Variants in DOCK8 observed in about 807,000 individuals in gnomAD.
DOCK8 encodes the protein dedicator of cytokinesis 8.
A neutral mutation model predicts 245.6 loss-of-function variants in DOCK8; 141 were observed. The ratio of observed to expected loss-of-function variants is 0.57; its 90% CI spans 0.50 to 0.66. DOCK8 has a LOEUF of 0.66. Among genes scored for constraint, DOCK8 ranks in the 30% least tolerant of loss-of-function variants. The probability of loss-of-function intolerance (pLI) is 0.00; values close to 1 mark genes in which losing one functional copy is unlikely to be tolerated. For synonymous variants in DOCK8, 1,168 were observed against 970.2 expected (o/e 1.20, Z -3.79); for missense variants, 2,965 against 2,603.4 (o/e 1.14, Z -3.02).
chr9:443,670 C>G (rs1469141921), intron 43 of DOCK8, among the ~76,000 whole-genome samples, 154 bp downstream of exon 43: 2 of 152,180 alleles, frequency 1.3e-5, no homozygotes, highest in African/African-American at 4.8e-5. Flanking sequence ...TTGGTCAGAT[C>G]TTAAAGAAAA....
At chr9:388,685 G>A (rs2054059479) in intron 23 of DOCK8, among the ~76,000 whole-genome samples, 1 of 152,018 alleles carries the variant, frequency 6.6e-6, no homozygotes, top group Admixed American at 6.6e-5. Flanking sequence ...CTCCAGAGTA[G>A]CTGGGATTAC....
intron 1 of DOCK8, among the ~76,000 whole-genome samples, chr9:258,403 C>T (rs532754107): frequency 6.6e-6 from 1 of 152,212 alleles, no homozygotes; most frequent in East Asian, 1.9e-4. Context: ...TTAGATAAAT[C>T]ACAAATCAGA....
intron 1 of DOCK8, among the ~76,000 whole-genome samples, chr9:229,420 G>A (rs753195331): frequency 2.6e-5 from 4 of 152,158 alleles, no homozygotes; most frequent in South Asian, 2.1e-4. Flanking sequence ...CTGGAGGCAG[G>A]TATATGAACT....
intron 12 of DOCK8, 42 bp downstream of exon 12, chr9:336,760 C>T (rs368162376): frequency 1.2e-6 from 2 of 1,612,882 alleles, no homozygotes; most frequent in African/African-American, 1.3e-5. Flanking sequence ...TTTCCCCATA[C>T]TGGCATGGGC....
At chr9:400,076 TCACCACCACCTC>T (rs2054728208) in intron 26 of DOCK8, among the ~76,000 whole-genome samples, 4 of 21,578 alleles carry the variant, frequency 1.9e-4, no homozygotes, top group East Asian at 1.4e-3. Flanking sequence ...ACCATCACCA[TCACCACCACCTC>T]CACCATCACC....
intron 1 of DOCK8, among the ~76,000 whole-genome samples, chr9:258,130 A>G (rs557920220): frequency 4.6e-5 from 7 of 152,202 alleles, no homozygotes; most frequent in African/African-American, 1.7e-4. Context: ...ACTCACAAAG[A>G]AGGAGGAAGT....
At position 255,560 on chromosome 9, in the gene DOCK8, C is replaced by T. The variant is rs1299970521; in HGVS notation, c.54-16067C>T. Among the ~76,000 whole-genome samples the T allele has an allele frequency of 3.3e-5, 5 of 149,774 alleles. No individual in the cohort carries two copies. The East Asian group carries it at 8.0e-4, about 24-fold the overall frequency. ...GCACTTGCCTGTTGTCCCAGCTACT[C>T]GAGAGGCTAAGGCAGTATTATCACT... On this transcript the variant is annotated intron_variant, in intron 1 of 47. Coordinates refer to ENST00000432829, the MANE Select transcript of DOCK8 (RefSeq NM_203447.4).
intron 26 of DOCK8, among the ~76,000 whole-genome samples, chr9:400,749 T>TCACCATCACCACCACCTC (rs1554692104): frequency 5.5e-4 from 1 of 1,814 alleles, no homozygotes; most frequent in East Asian, 0.018. Context: ...ACCAGCATCT[T>TCACCATCACCACCACCTC]CACCATCACC....
At position 399,245 on chromosome 9, in the gene DOCK8, C is replaced by G. The variant is rs150298985; in HGVS notation, c.3220C>G (p.His1074Asp). The G allele has an allele frequency of 6.2e-7, 1 of 1,613,460 alleles. No homozygotes were observed. Among genetic ancestry groups the G allele is most frequent in the South Asian group, 1.1e-5 (1 of 91,050 alleles). The stretch of plus-strand genomic sequence containing the variant: ...GGGCTTTGTGTTTAACCTCATCAGA[C>G]ATTATTGCAGCCAGGTGAGTGTCCC... The part of the protein sequence containing the change: ...DRGFVFNLIR[H>D]YCSQLSAKLS... Residue 1074 changes from histidine (H) to aspartate (D), a missense_variant, in exon 26 of 48, where the codon CAT (histidine) becomes GAT (aspartate). Physicochemically the swap from His to Asp is moderately conservative, Grantham distance 81. This residue lies in a region of DOCK8 where 2,825 missense variants were observed against 2,453.5 expected (regional missense o/e 1.15). Coordinates refer to ENST00000432829, the MANE Select transcript of DOCK8 (RefSeq NM_203447.4).
intron 29 of DOCK8, among the ~76,000 whole-genome samples, chr9:417,213 G>T (rs1212325110): frequency 6.6e-6 from 1 of 152,182 alleles, no homozygotes; most frequent in Non-Finnish European, 1.5e-5. Flanking sequence ...GGATGGAGGG[G>T]CAGAGATTGC....
At chr9:329,997 A>G (rs2050936064) in intron 9 of DOCK8, among the ~76,000 whole-genome samples, 1 of 152,162 alleles carries the variant, frequency 6.6e-6, no homozygotes, top group South Asian at 2.1e-4. Context: ...CTTTAAATAT[A>G]TAGTAAATGG....
intron 25 of DOCK8, among the ~76,000 whole-genome samples, chr9:398,253 A>G (rs2054555986): frequency 6.6e-6 from 1 of 152,224 alleles, no homozygotes. Flanking sequence ...GGCACCCAGG[A>G]GGAGTGGCCA....
At chr9:462,870 G>T (rs1350882867) in intron 46 of DOCK8, among the ~76,000 whole-genome samples, 1 of 152,186 alleles carries the variant, frequency 6.6e-6, no homozygotes, top group East Asian at 1.9e-4. Context: ...TTTTGAGTCT[G>T]ACTCTTAGAT....
chr9:432,113 C>G (rs528899187), intron 36 of DOCK8, 53 bp from the exon 37 acceptor site: 1 of 1,593,718 alleles, frequency 6.3e-7, no homozygotes. Flanking sequence ...CAGTTATCTA[C>G]TGCTAAGTGT....
intron 1 of DOCK8, among the ~76,000 whole-genome samples, chr9:259,488 G>A (rs1284745268): frequency 6.6e-6 from 1 of 152,144 alleles, no homozygotes; most frequent in African/African-American, 2.4e-5. Context: ...GTTCTTTGGA[G>A]TCAGATAGTC....
intron 14 of DOCK8, among the ~76,000 whole-genome samples, chr9:345,383 C>A (rs2051829948): frequency 6.6e-6 from 1 of 152,210 alleles, no homozygotes; most frequent in African/African-American, 2.4e-5. Flanking sequence ...TAAATGCTTA[C>A]ACTGAGAAAG....
At chr9:315,622 C>T (rs2050309407) in intron 6 of DOCK8, among the ~76,000 whole-genome samples, 1 of 152,104 alleles carries the variant, frequency 6.6e-6, no homozygotes, top group Non-Finnish European at 1.5e-5. Flanking sequence ...TATATGGTCT[C>T]TGGGAAGTTG....
intron 23 of DOCK8, among the ~76,000 whole-genome samples, chr9:388,025 A>G (rs1213464389): frequency 6.6e-6 from 1 of 152,180 alleles, no homozygotes; most frequent in African/African-American, 2.4e-5. Context: ...GTGTTCTTGT[A>G]ATAATGCTGC....
intron 26 of DOCK8, among the ~76,000 whole-genome samples, chr9:400,185 CTT>C (rs2054775271): frequency 1.8e-5 from 2 of 112,436 alleles, no homozygotes; most frequent in African/African-American, 7.1e-5. Flanking sequence ...TCACCACCTC[CTT>C]CACCATCACC....
Sources: gnomAD v4.1 joint callset for allele counts (sites outside exome capture counted in the v4.1 genomes callset) on GRCh38, gnomAD v4.1.1 for gene constraint, gnomAD v4.1.1 regional missense constraint, MANE v1.5 for transcripts, NCBI Gene and HGNC (gene_info 2026-07-23, HGNC 2026-07-21) for gene names.